ERMN: variants seen among roughly 807,000 people sequenced by gnomAD.
The protein encoded by ERMN is ermin, also known as ermin, ERM-like protein.
Under a neutral mutation model 21.4 loss-of-function variants are expected in ERMN, and 17 were observed. The ratio of observed to expected loss-of-function variants is 0.80; its 90% confidence interval spans 0.54 to 1.19. ERMN has a LOEUF of 1.19. Ranked by LOEUF, ERMN falls within the 50% of genes most tolerant of loss-of-function variation. The pLI, the probability that ERMN is intolerant of heterozygous loss-of-function variation, is 0.00. For missense variants in ERMN, 348 were observed against 331.6 expected (o/e 1.05, Z -0.38); for synonymous variants, 115 against 111.9 (o/e 1.03, Z -0.17).
At chr2:157,322,319 T>C (rs185211158) in intron 2 of ERMN, among the ~76,000 whole-genome samples, 281 of 152,012 alleles carry the variant, frequency 1.8e-3, no homozygotes, top group Middle Eastern at 3.4e-3. Flanking sequence ...AAAATGCTCG[T>C]TTCCAATACT....
In ERMN at chr2:157,321,137, C is replaced by A; in HGVS notation, c.*134G>T. Reference sequence around the variant, plus strand: ...TATCTAGGGTTATTTCCACATTATTCTACAGTGAAAAAGAGAGTCAACTTC... The same window carrying A: ...TATCTAGGGTTATTTCCACATTATTATACAGTGAAAAAGAGAGTCAACTTC... On this transcript the variant is annotated 3_prime_UTR_variant, in exon 3 of 3. Transcript: ENST00000410096. 1 of 1,301,952 alleles carries A rather than the reference C, an allele frequency of 7.7e-7. No individual in the cohort carries two copies. Among genetic ancestry groups the A allele is most frequent in the Non-Finnish European group, 1.0e-6 (1 of 961,504 alleles). The allele number at this position is 1,301,952 out of a possible 1,614,324, so 80.6% of individuals were successfully genotyped here. A position where few individuals can be genotyped will look rare whatever the true frequency, so the allele number is the denominator to read the frequency against.
upstream of ERMN, among the ~76,000 whole-genome samples, chr2:157,326,544 T>C (rs1684071828): frequency 2.6e-5 from 4 of 152,190 alleles, no homozygotes; most frequent in South Asian, 8.3e-4. Flanking sequence ...CATACTGATA[T>C]TACACAATGC....
chr2:157,325,160 G>A (rs954828122), intron 1 of ERMN: 44 of 621,070 alleles, frequency 7.1e-5, no homozygotes, highest in Middle Eastern at 2.6e-4. Context: ...TTATTATTCC[G>A]CCTTCTTCTA....
intron 1 of ERMN, 109 bp from the exon 2 acceptor site, chr2:157,324,871 G>A (rs1452469412): frequency 1.5e-6 from 1 of 677,416 alleles, no homozygotes; most frequent in Admixed American, 3.5e-5. Flanking sequence ...TTTTAAATCT[G>A]ATCATTAAAA....
Position 157,322,805 on chromosome 2 carries a change from G to A in ERMN, c.335-1014C>T, listed in dbSNP as rs188565323. ...GCTGCTATCAGGTCGCTAGTGTCCC[G>A]TCAATGTTCCTAACATTATCCATAA... is the stretch of plus-strand genomic sequence containing the variant. On this transcript the variant is annotated intron_variant, in intron 2 of 2. Transcript: ENST00000410096. Among the ~76,000 whole-genome samples, 594 of 152,220 alleles carry A rather than the reference G, an allele frequency of 3.9e-3. 3 individuals carry two copies. Among genetic ancestry groups the A allele is most frequent in the African/African-American group, 0.013 (547 of 41,526 alleles).
Position 157,321,154 on chromosome 2 carries a change from G to A in ERMN, c.*117C>T, listed in dbSNP as rs1683880807. The A allele has an allele frequency of 2.1e-6, 3 of 1,424,638 alleles. No individual in the cohort carries two copies. The Admixed American group carries it at 7.0e-5, about 33-fold the overall frequency. 88.2% of individuals were successfully genotyped at this position (1,424,638 alleles called of 1,614,324 possible). On this transcript the variant is annotated 3_prime_UTR_variant, in exon 3 of 3. Transcript: ENST00000410096. ...ACATTATTCTACAGTGAAAAAGAGA[G>A]TCAACTTCCACCTCCCTCCAAGTGA...
rs750466305 is a variant in ERMN, at chr2:157,321,549, TATC to T, written c.574_576del (p.Asp192del). On this transcript the variant is annotated inframe_deletion, in exon 3 of 3. Transcript: ENST00000410096. ...ACTTCATCTTCATCATTATTGCAATTATCATCATCATCATCATCAATTTCTTCA... is the reference window on the plus strand; with the variant it reads ...ACTTCATCTTCATCATTATTGCAATTATCATCATCATCATCAATTTCTTCA... 2.3e-5 allele frequency: 37 copies of T among 1,612,460 alleles called. 1 individual carries two copies. In the South Asian group the frequency reaches 2.7e-4, roughly 12 times the overall value.
chr2:157,327,515 A>G (rs767362194), upstream of ERMN: 4 of 778,296 alleles, frequency 5.1e-6, no homozygotes, highest in Non-Finnish European at 9.6e-6. Context: ...TGTTATCTCC[A>G]TTTTATAGAC....
In ERMN at chr2:157,325,535, C is replaced by T; in HGVS notation, c.108G>A (p.Val36=). 1 of 1,614,134 alleles carries T rather than the reference C, an allele frequency of 6.2e-7. No homozygotes were observed. The highest frequency in any genetic ancestry group is 8.5e-7 in the Non-Finnish European group (1 of 1,180,016). ...ITKISEELTD[V]DSPLPHYRVE... The stretch of plus-strand genomic sequence containing the variant: ...CCCTGTAGTGTGGCAGGGGGCTGTC[C>T]ACATCAGTCAATTCCTCACTGATTT... Residue 36 remains valine, a synonymous_variant, in exon 1 of 3, where the codon GTG becomes GTA. Transcript: ENST00000410096.
chr2:157,324,846 G>T, intron 1 of ERMN, 84 bp from the exon 2 acceptor site: 2 of 897,020 alleles, frequency 2.2e-6, no homozygotes, highest in Admixed American at 3.0e-5. Flanking sequence ...TTAAACTCTA[G>T]GTAGAAGTCT....
Position 157,321,055 on chromosome 2 carries a change from T to C in ERMN, c.*216A>G, listed in dbSNP as rs2105184734. The stretch of plus-strand genomic sequence containing the variant: ...GCTATATTAGTGAAGTTTTAAAAGA[T>C]AAATGCCCAAGAATTTATTTAAAGC... On this transcript the variant is annotated 3_prime_UTR_variant, in exon 3 of 3. Transcript: ENST00000410096. The C allele has an allele frequency of 3.0e-6, 2 of 658,622 alleles. No individual in the cohort carries two copies. The highest frequency in any genetic ancestry group is 6.0e-5 in the East Asian group (2 of 33,148). The allele number at this position is 658,622 out of a possible 1,614,324, so 40.8% of individuals were successfully genotyped here.
At chr2:157,325,842 A>G, upstream of ERMN, 4 of 1,424,684 alleles carry the variant, frequency 2.8e-6, no homozygotes, top group Non-Finnish European at 3.7e-6. Flanking sequence ...AAGCAAGAGG[A>G]TTTGTCAGAT....
rs947919049 is a variant in ERMN, at chr2:157,320,152, C to T, written c.*1119G>A. 1.3e-5 allele frequency: 2 copies of T among 152,412 alleles called. No individual in the cohort carries two copies. The highest frequency in any genetic ancestry group is 2.1e-4 in the South Asian group (1 of 4,828). 9.4% of individuals were successfully genotyped at this position (152,412 alleles called of 1,614,324 possible). On this transcript the variant is annotated 3_prime_UTR_variant, in exon 3 of 3. Transcript: ENST00000410096. ...TCTCTCTTTTCATAAATATTCAATA[C>T]GTTATTTGACACATTGGTTTGAGTG... is the stretch of plus-strand genomic sequence containing the variant.
chr2:157,321,556 A>C lies in ERMN; in HGVS notation c.570T>G (p.Asp190Glu). The part of the protein sequence containing the change: ...KVWDEEIDDD[D>E]DDNCNNDEDE... ...CTTCATCATTATTGCAATTATCATC[A>C]TCATCATCATCAATTTCTTCATCCC... The change falls in exon 3 of 3, where the codon GAT (aspartate) becomes GAG (glutamate). Residue 190 changes from aspartate (D) to glutamate (E), a missense_variant. Coordinates refer to ENST00000410096, the MANE Select transcript of ERMN (RefSeq NM_020711.3). 4 of 1,613,970 alleles carry C rather than the reference A, an allele frequency of 2.5e-6. No homozygotes were observed. The highest frequency in any genetic ancestry group is 3.4e-6 in the Non-Finnish European group (4 of 1,179,974).
upstream of ERMN, among the ~76,000 whole-genome samples, chr2:157,326,419 C>T (rs974203200): frequency 1.3e-5 from 2 of 152,146 alleles, no homozygotes; most frequent in African/African-American, 4.8e-5. Context: ...TAGTCTATAG[C>T]TTCTTATCCT....
chr2:157,325,350 G>C, intron 1 of ERMN, 52 bp downstream of exon 1: 1 of 1,608,392 alleles, frequency 6.2e-7, no homozygotes, highest in Non-Finnish European at 8.5e-7. Flanking sequence ...AAAAATCCAG[G>C]GTAAATTTAT....
chr2:157,321,488 AC>A lies in ERMN; in HGVS notation c.637del (p.Val213PhefsTer16). ...ATCACCTTCCTCTTTAAATTGAGAAACCTCTTCATGTTTTTTCTTAAATTCT... is the reference window on the plus strand; with the variant it reads ...ATCACCTTCCTCTTTAAATTGAGAAACTCTTCATGTTTTTTCTTAAATTCT... ...VIEFKKKHEE[V>X]SQFKEEGDAS... is the part of the protein sequence containing the mutation. On this transcript the variant is annotated frameshift_variant, in exon 3 of 3. Transcript: ENST00000410096. LOFTEE classifies it high-confidence loss of function. 1 of 1,613,544 alleles carries A rather than the reference AC, an allele frequency of 6.2e-7. No homozygotes were observed. The highest frequency in any genetic ancestry group is 8.5e-7 in the Non-Finnish European group (1 of 1,179,880).
chr2:157,325,719 C>T lies in ERMN; in HGVS notation c.-77G>A. 6.9e-6 allele frequency: 11 copies of T among 1,602,368 alleles called. No individual in the cohort carries two copies. The highest frequency in any genetic ancestry group is 8.5e-6 in the Non-Finnish European group (10 of 1,172,466). On this transcript the variant is annotated 5_prime_UTR_variant, in exon 1 of 3. Transcript: ENST00000410096. The stretch of plus-strand genomic sequence containing the variant: ...GTAGATCCTTGATAAGATACCTGCT[C>T]TTGCCTTCAAGTCCTATAGTTCCAA...
rs766036566 is a variant in ERMN at position 157,321,552 on chromosome 2, C to T, written c.574G>A (p.Asp192Asn). 3.1e-6 allele frequency: 5 copies of T among 1,608,038 alleles called. No homozygotes were observed. Among genetic ancestry groups the T allele is most frequent in the Non-Finnish European group, 4.3e-6 (5 of 1,174,794 alleles). Residue 192 changes from aspartate (D) to asparagine (N), a missense_variant, in exon 3 of 3, where the codon GAT becomes AAT. Coordinates refer to ENST00000410096, the MANE Select transcript of ERMN (RefSeq NM_020711.3). ...WDEEIDDDDD[D>N]NCNNDEDEVR... is the part of the protein sequence containing the mutation. ...TCATCTTCATCATTATTGCAATTAT[C>T]ATCATCATCATCATCAATTTCTTCA... is the stretch of plus-strand genomic sequence containing the variant.
Sources: gnomAD v4.1 joint callset for allele counts (sites outside exome capture counted in the v4.1 genomes callset) on GRCh38, gnomAD v4.1.1 for gene constraint, MANE v1.5 for transcripts, NCBI Gene and HGNC (gene_info 2026-07-23, HGNC 2026-07-21) for gene names.